Variants in NHSL3 observed in about 807,000 individuals in gnomAD.
The protein encoded by NHSL3 is NHS-like protein 3.
chr1:32,755,401 C>G, the NHSL3 span, among the ~76,000 whole-genome samples: 1 of 152,232 alleles, frequency 6.6e-6, no homozygotes. Flanking sequence ...GATTCCGAAC[C>G]GGAGCTTGAT....
chr1:32,747,210 G>C, the NHSL3 span, among the ~76,000 whole-genome samples: 1 of 149,740 alleles, frequency 6.7e-6, no homozygotes, highest in Non-Finnish European at 1.5e-5. Flanking sequence ...TTTTGAGACA[G>C]AGTCTCACTC....
chr1:32,770,840 C>T, the NHSL3 span: 1 of 1,606,884 alleles, frequency 6.2e-7, no homozygotes, highest in Non-Finnish European at 8.5e-7. The surrounding 1 kb of genome is among the most constrained non-coding windows in gnomAD (Gnocchi z 8.3). Flanking sequence ...CCACCCAACC[C>T]AGCCAACAGC....
At chr1:32,768,233 G>A in the NHSL3 span, 1 of 781,714 alleles carries the variant, frequency 1.3e-6, no homozygotes, top group Non-Finnish European at 2.2e-6. Flanking sequence ...TACACTAAAT[G>A]AACCCTGAGG....
the NHSL3 span, chr1:32,772,090 A>G: frequency 6.2e-7 from 1 of 1,613,074 alleles, no homozygotes; most frequent in Non-Finnish European, 8.5e-7. Flanking sequence ...CTCAACGGCC[A>G]GTTTCATCTT....
At chr1:32,765,725 A>T in the NHSL3 span, 1 of 1,544,432 alleles carries the variant, frequency 6.5e-7, no homozygotes, top group Non-Finnish European at 8.7e-7. Flanking sequence ...TCTGCTCTGG[A>T]GAGGCAGGGT....
At chr1:32,768,561 C>T in the NHSL3 span, 220 of 1,510,272 alleles carry the variant, frequency 1.5e-4, no homozygotes, top group Admixed American at 3.8e-3. Context: ...CGCTACTGCA[C>T]TCCAGCCTGA....
chr1:32,767,753 T>G, the NHSL3 span: 1 of 1,574,556 alleles, frequency 6.4e-7, no homozygotes, highest in Non-Finnish European at 8.6e-7. Context: ...CCAGATGCCT[T>G]TACCTCATTT....
At chr1:32,765,656 CG>C in the NHSL3 span, 18 of 1,529,474 alleles carry the variant, frequency 1.2e-5, no homozygotes, top group African/African-American at 9.6e-5. Flanking sequence ...TGCTCTGCGG[CG>C]GGGCGGGAGG....
At chr1:32,772,817 C>T in the NHSL3 span, 6 of 1,599,912 alleles carry the variant, frequency 3.8e-6, no homozygotes, top group East Asian at 1.3e-4. Flanking sequence ...AGTGCCAGAA[C>T]CAAGCCAGGA....
At chr1:32,771,697 C>T in the NHSL3 span, 1 of 1,612,072 alleles carries the variant, frequency 6.2e-7, no homozygotes, top group Non-Finnish European at 8.5e-7. Context: ...TCCAGCTCCG[C>T]CAGCCCCAGC....
the NHSL3 span, among the ~76,000 whole-genome samples, chr1:32,748,013 G>A: frequency 6.6e-6 from 1 of 152,190 alleles, no homozygotes; most frequent in African/African-American, 2.4e-5. Context: ...GGGAGGCTGA[G>A]GCAGGAGAAT....
chr1:32,745,349 C>A, the NHSL3 span, among the ~76,000 whole-genome samples: 1 of 151,028 alleles, frequency 6.6e-6, no homozygotes, highest in African/African-American at 2.4e-5. Context: ...CATGAGGTCG[C>A]GAGTTTAAGA....
chr1:32,748,236 G>A, the NHSL3 span, among the ~76,000 whole-genome samples: 1 of 152,122 alleles, frequency 6.6e-6, no homozygotes, highest in African/African-American at 2.4e-5. Flanking sequence ...CTGAGACCAC[G>A]CCACTGTACT....
chr1:32,763,999 C>T, the NHSL3 span, among the ~76,000 whole-genome samples: 2 of 152,112 alleles, frequency 1.3e-5, no homozygotes, highest in Admixed American at 6.6e-5. Flanking sequence ...ATCTGGGACC[C>T]CAGCTGTGAG....
At chr1:32,773,371 C>T in the NHSL3 span, 9 of 181,670 alleles carry the variant, frequency 5.0e-5, no homozygotes, top group East Asian at 2.6e-4. Flanking sequence ...AATCCATCCC[C>T]GGCAGTCAGC....
the NHSL3 span, among the ~76,000 whole-genome samples, chr1:32,762,569 G>C: frequency 1.3e-5 from 2 of 151,328 alleles, no homozygotes; most frequent in African/African-American, 4.9e-5. Flanking sequence ...CTCAAGCCCA[G>C]CCTCCCAGGA....
At chr1:32,758,186 A>G in the NHSL3 span, among the ~76,000 whole-genome samples, 1 of 152,112 alleles carries the variant, frequency 6.6e-6, no homozygotes, top group African/African-American at 2.4e-5. Context: ...TCCCCTTCCC[A>G]GGCTAGCTGA....
the NHSL3 span, among the ~76,000 whole-genome samples, chr1:32,742,674 C>G: frequency 6.6e-6 from 1 of 152,244 alleles, no homozygotes; most frequent in Non-Finnish European, 1.5e-5. Context: ...CCACAAAGGA[C>G]CTCACATGGA....
At chr1:32,771,177 G>A in the NHSL3 span, 38 of 1,610,782 alleles carry the variant, frequency 2.4e-5, no homozygotes, top group Non-Finnish European at 3.2e-5. Context: ...ACCCCAAGGT[G>A]CCTGCCCCCT....
Sources: allele counts gnomAD v4.1 joint callset (sites outside exome capture counted in the v4.1 genomes callset), GRCh38; gene constraint gnomAD v4.1.1; non-coding constraint Gnocchi (gnomAD v3.1); transcripts MANE v1.5; gene names NCBI Gene and HGNC (gene_info 2026-07-23, HGNC 2026-07-21).